Variants in ZFTRAF1 observed in about 807,000 individuals in gnomAD.
ZFTRAF1 encodes the protein zinc finger TRAF-type-containing protein 1.
the ZFTRAF1 span, chr8:144,457,187 G>A: frequency 6.6e-6 from 1 of 151,766 alleles, no homozygotes; most frequent in East Asian, 1.9e-4. Context: ...ATGTCATGGG[G>A]GAATGACATC....
the ZFTRAF1 span, among the ~76,000 whole-genome samples, chr8:144,458,262 C>T: frequency 6.6e-6 from 1 of 152,222 alleles, no homozygotes; most frequent in African/African-American, 2.4e-5. Context: ...TCCCCAGAGT[C>T]GGGCCCACAT....
chr8:144,456,718 TGGG>T, the ZFTRAF1 span: 1 of 149,252 alleles, frequency 6.7e-6, no homozygotes, highest in Admixed American at 6.6e-5. Flanking sequence ...AATGACATCA[TGGG>T]GGAGACATCA....
chr8:144,462,365 C>CCGGCCG, the ZFTRAF1 span: 2 of 483,876 alleles, frequency 4.1e-6, no homozygotes, highest in African/African-American at 2.0e-5. Flanking sequence ...TTTCCCGCTG[C>CCGGCCG]CGGCCGCCGC....
At chr8:144,462,303 G>A in the ZFTRAF1 span, 3 of 598,792 alleles carry the variant, frequency 5.0e-6, no homozygotes, top group East Asian at 3.6e-5. Context: ...GAGGCCTTGG[G>A]CAGGTCCAGG....
the ZFTRAF1 span, chr8:144,450,093 G>C: frequency 9.1e-6 from 4 of 440,656 alleles, no homozygotes; most frequent in Non-Finnish European, 1.7e-5. Context: ...CGGCCTCCTT[G>C]CTGCCACCGT....
the ZFTRAF1 span, chr8:144,457,169 G>A: frequency 6.6e-6 from 1 of 151,186 alleles, no homozygotes; most frequent in African/African-American, 2.4e-5. Flanking sequence ...TGACATCACA[G>A]GGGAATGATG....
the ZFTRAF1 span, chr8:144,452,239 G>A: frequency 2.6e-6 from 3 of 1,165,050 alleles, no homozygotes; most frequent in Non-Finnish European, 3.7e-6. Flanking sequence ...AGCTTGTCCA[G>A]AGCCCGGCTG....
the ZFTRAF1 span, chr8:144,454,270 TGA>T: frequency 1.3e-5 from 2 of 152,404 alleles, no homozygotes; most frequent in Non-Finnish European, 2.9e-5. Context: ...TTGGTGCCAC[TGA>T]GAGACACATG....
chr8:144,461,449 G>A, the ZFTRAF1 span, among the ~76,000 whole-genome samples: 10 of 152,208 alleles, frequency 6.6e-5, no homozygotes, highest in Non-Finnish European at 1.5e-4. Flanking sequence ...AAACCCACCT[G>A]GGCCAGGTAC....
the ZFTRAF1 span, chr8:144,452,675 G>A: frequency 1.0e-5 from 11 of 1,097,636 alleles, no homozygotes; most frequent in East Asian, 1.0e-4. Context: ...CCTTCCTGCA[G>A]GACACACGTA....
chr8:144,461,886 G>A, the ZFTRAF1 span, among the ~76,000 whole-genome samples: 3 of 152,162 alleles, frequency 2.0e-5, no homozygotes, highest in East Asian at 3.9e-4. Context: ...TGAGCCCAGG[G>A]AGCTTGGGAC....
the ZFTRAF1 span, chr8:144,452,003 C>G: frequency 8.5e-6 from 3 of 353,796 alleles, no homozygotes; most frequent in South Asian, 5.0e-5. Flanking sequence ...GCTCCCAGGC[C>G]CCCTGAGACC....
chr8:144,460,128 C>T, the ZFTRAF1 span, among the ~76,000 whole-genome samples: 7 of 152,204 alleles, frequency 4.6e-5, no homozygotes, highest in African/African-American at 1.2e-4. Flanking sequence ...GAGAGCCACC[C>T]GCCGGAGGTG....
the ZFTRAF1 span, chr8:144,451,049 A>G: frequency 2.5e-5 from 10 of 398,504 alleles, no homozygotes; most frequent in African/African-American, 2.0e-4. Context: ...TGCCCGACCC[A>G]CGCTGGCCTC....
chr8:144,452,377 C>G, the ZFTRAF1 span: 1 of 1,549,676 alleles, frequency 6.5e-7, no homozygotes, highest in Non-Finnish European at 8.7e-7. Flanking sequence ...CCAATCTTCT[C>G]GAAGCTGAGC....
chr8:144,456,625 C>T, the ZFTRAF1 span: 1 of 152,244 alleles, frequency 6.6e-6, no homozygotes, highest in African/African-American at 2.4e-5. Flanking sequence ...AGAATGACGC[C>T]ATGGGGGATG....
the ZFTRAF1 span, chr8:144,450,271 T>C: frequency 1.6e-6 from 1 of 626,554 alleles, no homozygotes; most frequent in African/African-American, 1.8e-5. Flanking sequence ...GTTCTCCTCC[T>C]TTGCTAAAGT....
At chr8:144,459,375 G>A in the ZFTRAF1 span, among the ~76,000 whole-genome samples, 7 of 152,252 alleles carry the variant, frequency 4.6e-5, no homozygotes, top group African/African-American at 1.4e-4. Flanking sequence ...CAGTCCCCCA[G>A]AACATATCTA....
At chr8:144,462,390 C>A in the ZFTRAF1 span, 1 of 431,462 alleles carries the variant, frequency 2.3e-6, no homozygotes, top group Non-Finnish European at 4.1e-6. Context: ...GCCGCCGCCG[C>A]CTCGGCCGCC....
Sources: allele counts gnomAD v4.1 joint callset (sites outside exome capture counted in the v4.1 genomes callset), GRCh38; gene constraint gnomAD v4.1.1; transcripts MANE v1.5; gene names NCBI Gene and HGNC (gene_info 2026-07-23, HGNC 2026-07-21).